The following TOX2 variants were observed in gnomAD, a reference collection of about 807,000 sequenced individuals.
TOX2 encodes the protein granulosa cell HMG box 1.
In TOX2, 15 loss-of-function variants were observed where a neutral mutation model predicts 47.4. That is an observed-to-expected ratio of 0.32 (90% CI 0.21 to 0.49). The LOEUF is 0.49. Ranked by LOEUF, TOX2 falls within the 20% of genes least tolerant of loss-of-function variation. The pLI is 0.99. For synonymous variants in TOX2, 290 were observed against 296.6 expected, an observed-to-expected ratio of 0.98 and a Z score of 0.23; for missense variants, 622 against 673.1, an observed-to-expected ratio of 0.92 and a Z score of 0.84.
At chr20:43,955,204 T>A (rs1323893401) in intron 1 of TOX2, 4 of 984,768 alleles carry the variant, frequency 4.1e-6, no homozygotes, top group African/African-American at 1.7e-5. Context: ...TGCACTTCAT[T>A]ACTTTTCTGA....
At position 44,054,494 on chromosome 20, in the gene TOX2, A is replaced by G; in HGVS notation, c.847A>G (p.Met283Val). 2 of 1,614,062 alleles carry G rather than the reference A, an allele frequency of 1.2e-6. No homozygotes were observed. Among genetic ancestry groups the G allele is most frequent in the Non-Finnish European group, 1.7e-6 (2 of 1,180,004 alleles). The change falls in exon 5 of 9, where the codon ATG (methionine) becomes GTG (valine). Residue 283 changes from methionine (M) to valine (V), a missense_variant. Coordinates refer to ENST00000341197, the MANE Select transcript of TOX2 (RefSeq NM_001098797.2). ...TGACGTGTCCAAAATCGTGGCCTCC[A>G]TGTGGGACAGCCTGGGAGAGGAACA... ...FGDVSKIVAS[M>V]WDSLGEEQKQ...
intron 2 of TOX2, among the ~76,000 whole-genome samples, chr20:43,975,416 C>T (rs750660498): frequency 6.6e-5 from 10 of 152,286 alleles, no homozygotes; most frequent in Non-Finnish European, 1.2e-4. Context: ...ACAACAGCCT[C>T]GAGAATGAGT....
intron 3 of TOX2, among the ~76,000 whole-genome samples, chr20:44,048,384 G>GA: frequency 1.8e-5 from 1 of 56,782 alleles, no homozygotes; most frequent in East Asian, 5.2e-4. Context: ...TGGATAAAAT[G>GA]AATTTATATA....
intron 3 of TOX2, among the ~76,000 whole-genome samples, chr20:44,031,661 T>C (rs1159013716): frequency 1.3e-5 from 2 of 151,790 alleles, no homozygotes; most frequent in African/African-American, 4.8e-5. Flanking sequence ...AAGCACTTGC[T>C]GGAGAAATGC....
At chr20:44,046,684 T>G (rs989993339) in intron 3 of TOX2, among the ~76,000 whole-genome samples, 2 of 152,220 alleles carry the variant, frequency 1.3e-5, no homozygotes, top group African/African-American at 2.4e-5. Flanking sequence ...CTAAGTGAAA[T>G]AAGCCAATTC....
At chr20:43,937,986 T>C (rs1240575080) in intron 1 of TOX2, among the ~76,000 whole-genome samples, 1 of 152,174 alleles carries the variant, frequency 6.6e-6, no homozygotes, top group Non-Finnish European at 1.5e-5. Context: ...TGCCCAGTCC[T>C]GAGCCTCCGT....
chr20:43,956,453 C>T (rs1343833099), intron 1 of TOX2, among the ~76,000 whole-genome samples: 2 of 151,376 alleles, frequency 1.3e-5, no homozygotes, highest in Non-Finnish European at 2.9e-5. Context: ...TCCAGCTACT[C>T]AGGAGGCTGA....
At chr20:43,969,354 G>A (rs544808126) in intron 1 of TOX2, among the ~76,000 whole-genome samples, 9 of 152,354 alleles carry the variant, frequency 5.9e-5, no homozygotes, top group East Asian at 3.9e-4. Flanking sequence ...TATGCACTGC[G>A]GTGGGTGTAG....
chr20:43,942,787 G>T (rs2069417665), intron 1 of TOX2, among the ~76,000 whole-genome samples: 1 of 152,176 alleles, frequency 6.6e-6, no homozygotes. Context: ...AAAACTGAAA[G>T]ATCATTTGCA....
At position 44,065,866 on chromosome 20, in the gene TOX2, G is replaced by T; in HGVS notation, c.1115G>T (p.Ser372Ile). The T allele has an allele frequency of 6.2e-7, 1 of 1,613,504 alleles. No homozygotes were observed. ...QAFRSGASPA[S>I]LARTLGSKSL... The stretch of plus-strand genomic sequence containing the variant: ...TTCCGCAGTGGGGCCTCCCCTGCCA[G>T]CCTCGCCCGGACGCTGGGCTCCAAG... Residue 372 changes from serine (S) to isoleucine (I), a missense_variant, in exon 7 of 9, where the codon AGC becomes ATC. By Grantham distance (142) the Ser-to-Ile change is moderately radical. This residue lies in a region of TOX2 where 294 missense variants were observed against 300.0 expected (regional missense o/e 0.98). Transcript: ENST00000341197.
At chr20:44,052,309 C>A (rs576080336) in intron 4 of TOX2, among the ~76,000 whole-genome samples, 1 of 152,204 alleles carries the variant, frequency 6.6e-6, no homozygotes, top group African/African-American at 2.4e-5. Flanking sequence ...ATCCACCTCC[C>A]GGTGAGAGAA....
chr20:44,005,903 C>T (rs1232048193), intron 2 of TOX2, among the ~76,000 whole-genome samples: 3 of 151,754 alleles, frequency 2.0e-5, no homozygotes, highest in Non-Finnish European at 2.9e-5. Flanking sequence ...TTCTATTCAG[C>T]GTTGTCCTGG....
At chr20:44,063,360 C>T (rs748589683) in intron 5 of TOX2, among the ~76,000 whole-genome samples, 3 of 152,004 alleles carry the variant, frequency 2.0e-5, no homozygotes, top group Non-Finnish European at 4.4e-5. Context: ...TACAAATGGC[C>T]AACAAACATA....
chr20:44,047,119 G>T (rs1281173431), intron 3 of TOX2, among the ~76,000 whole-genome samples: 1 of 152,152 alleles, frequency 6.6e-6, no homozygotes, highest in Non-Finnish European at 1.5e-5. Context: ...ATATGATGTA[G>T]CTAAAATTCT....
chr20:43,983,532 C>T (rs774098775), intron 2 of TOX2, among the ~76,000 whole-genome samples: 1 of 152,186 alleles, frequency 6.6e-6, no homozygotes, highest in African/African-American at 2.4e-5. Context: ...AAGTCACAGC[C>T]TCCTTCCAGC....
In TOX2 at chr20:43,985,118, C is replaced by A. The variant is rs2070241861; in HGVS notation, c.165+11686C>A. Among the ~76,000 whole-genome samples, 3 of 152,140 alleles carry A rather than the reference C, an allele frequency of 2.0e-5. No individual in the cohort carries two copies. The South Asian group carries it at 6.2e-4, about 31-fold the overall frequency. On this transcript the variant is annotated intron_variant, in intron 2 of 8. Transcript: ENST00000341197. ...GGAGGGTCAGGATCCTGGTTCCGGC[C>A]CCTCCTCAGCCTCTCTCCCTGTGTC...
rs554102075 is a variant in TOX2, at chr20:44,005,863, G to A, written c.166-684G>A. The stretch of plus-strand genomic sequence containing the variant: ...GAAATATTGAGCTCTTTAAGATAAG[G>A]AAAAAGGCCCGGATGTCTGTTCTCA... On this transcript the variant is annotated intron_variant, in intron 2 of 8. Coordinates refer to ENST00000341197, the MANE Select transcript of TOX2 (RefSeq NM_001098797.2). 2.6e-5 allele frequency among the ~76,000 whole-genome samples: 4 copies of A among 151,850 alleles called. No homozygotes were observed. In the South Asian group the frequency reaches 6.3e-4, roughly 24 times the overall value.
At chr20:43,964,129 C>T (rs1177252003) in intron 1 of TOX2, among the ~76,000 whole-genome samples, 1 of 151,414 alleles carries the variant, frequency 6.6e-6, no homozygotes, top group East Asian at 1.9e-4. Flanking sequence ...TTGAAAGCAA[C>T]AAGCCCAGGA....
intron 2 of TOX2, among the ~76,000 whole-genome samples, chr20:43,984,118 C>T (rs985491488): frequency 4.6e-5 from 7 of 152,094 alleles, no homozygotes; most frequent in African/African-American, 1.7e-4. Flanking sequence ...AAGGTAACAG[C>T]GGTGATTACT....
Sources: allele counts gnomAD v4.1 joint callset (sites outside exome capture counted in the v4.1 genomes callset), GRCh38; gene constraint gnomAD v4.1.1; regional missense constraint gnomAD v4.1.1; transcripts MANE v1.5; gene names NCBI Gene and HGNC (gene_info 2026-07-23, HGNC 2026-07-21).